The following TUBB8B variants were observed in gnomAD, a reference collection of about 807,000 sequenced individuals.
TUBB8B encodes the protein HSA18p11 beta-tubulin 4Q pseudogene.
A neutral mutation model predicts 31.9 loss-of-function variants in TUBB8B; 26 were observed. That is an observed-to-expected ratio of 0.81 (90% CI 0.60 to 1.13). The LOEUF (loss-of-function observed/expected upper bound fraction) is 1.13. Ranked by LOEUF, TUBB8B falls within the 50% of genes most tolerant of loss-of-function variation. The pLI is 0.00. For missense variants in TUBB8B, 467 were observed against 586.7 expected (o/e 0.80, Z 2.11); for synonymous variants, 173 against 231.0 (o/e 0.75, Z 2.28).
chr18:64,851 CTAAT>C, the TUBB8B span, among the ~76,000 whole-genome samples: 1 of 152,094 alleles, frequency 6.6e-6, no homozygotes, highest in Non-Finnish European at 1.5e-5. Flanking sequence ...TTTCTTTCTG[CTAAT>C]TTTTTCCCCT....
At position 48,957 on chromosome 18, in the gene TUBB8B, G is replaced by A. The variant is rs1600576490; in HGVS notation, c.260C>T (p.Pro87Leu). The A allele has an allele frequency of 6.2e-6, 10 of 1,601,774 alleles. No homozygotes were observed. Among genetic ancestry groups the A allele is most frequent in the East Asian group, 2.2e-5 (1 of 44,696 alleles). ...CAGCTCACCGGAAATGAAGTTGTCT[G>A]GCCTGAAGACCTGCCCGAAGGGCCC... is the stretch of plus-strand genomic sequence containing the variant. ...HSGPFGQVFR[P>L]DNFISGQCGA... is the part of the protein sequence containing the mutation. Residue 87 changes from proline (P) to leucine (L), a missense_variant, in exon 3 of 4, where the codon CCA (proline) becomes CTA (leucine). Pro to Leu is a moderately conservative substitution (Grantham distance 98). Around this residue, in one of 2 missense-constraint regions of TUBB8B, gnomAD observed 259 missense variants for 380.1 expected, o/e 0.68. Transcript: ENST00000308911.
the TUBB8B span, chr18:73,234 G>A: frequency 6.4e-6 from 1 of 156,440 alleles, no homozygotes; most frequent in African/African-American, 2.4e-5. Context: ...TGAAGCCCAG[G>A]TACAAAGAGC....
At chr18:72,036 G>A in the TUBB8B span, among the ~76,000 whole-genome samples, 4 of 151,882 alleles carry the variant, frequency 2.6e-5, no homozygotes, top group African/African-American at 9.7e-5. Flanking sequence ...AAAATTAGCT[G>A]GGCGTTGTGG....
At chr18:52,086 C>A (rs1906132229), upstream of TUBB8B, among the ~76,000 whole-genome samples, 1 of 151,836 alleles carries the variant, frequency 6.6e-6, no homozygotes, top group African/African-American at 2.4e-5. Context: ...TGCCCTTTAG[C>A]TTCTAGGACC....
rs551943497 is a variant in TUBB8B at position 47,669 on chromosome 18, G to A, written c.1056C>T (p.Ala352=). The change falls in exon 4 of 4, where the codon GCC becomes GCT. Residue 352 remains alanine, a synonymous_variant. Transcript: ENST00000308911. ...ADWFPDNVKT[A]VCDIPPRGLK... The stretch of plus-strand genomic sequence containing the variant: ...GCCCCCGGGGTGGGATGTCACAGAC[G>A]GCTGTTTTTACGTTGTCGGGGAACC... The A allele has an allele frequency of 5.2e-5, 84 of 1,612,414 alleles. 1 individual carries two copies. The African/African-American group carries it at 6.0e-4, about 12-fold the overall frequency.
At position 49,481 on chromosome 18, in the gene TUBB8B, T is replaced by TA. The variant is rs1399284216; in HGVS notation, c.57+19_57+20insT. ...CACCCGGCAGGCCCGGGCTGGGCCCTCAGAGCCCTGGCTGCCAACCTTGGC... is the reference window on the plus strand; with the variant it reads ...CACCCGGCAGGCCCGGGCTGGGCCCTACAGAGCCCTGGCTGCCAACCTTGGC... On this transcript the variant is annotated intron_variant, in intron 1 of 3. Transcript: ENST00000308911. 1 of 996,048 alleles carries TA rather than the reference T, an allele frequency of 1.0e-6. No individual in the cohort carries two copies. Among genetic ancestry groups the TA allele is most frequent in the Non-Finnish European group, 1.5e-6 (1 of 652,364 alleles). 61.7% of individuals were successfully genotyped at this position (996,048 alleles called of 1,614,324 possible).
At chr18:71,870 A>G in the TUBB8B span, among the ~76,000 whole-genome samples, 9,757 of 107,350 alleles carry the variant, frequency 0.091, no homozygotes, top group African/African-American at 0.19. Context: ...GCAACAAAGT[A>G]AGACTCCATG....
At chr18:70,501 T>C in the TUBB8B span, among the ~76,000 whole-genome samples, 1 of 152,130 alleles carries the variant, frequency 6.6e-6, no homozygotes, top group Non-Finnish European at 1.5e-5. Flanking sequence ...CCAGGCATCA[T>C]GGCGCACACT....
the TUBB8B span, among the ~76,000 whole-genome samples, chr18:56,364 T>C: frequency 6.6e-6 from 1 of 151,820 alleles, no homozygotes; most frequent in African/African-American, 2.4e-5. Context: ...AGGAATGTCA[T>C]TGTTATTTTG....
chr18:73,005 G>A, the TUBB8B span, among the ~76,000 whole-genome samples: 1 of 152,050 alleles, frequency 6.6e-6, no homozygotes, highest in Non-Finnish European at 1.5e-5. Context: ...CACTGATCCG[G>A]GGGTGCCTGT....
chr18:51,093 T>G (rs1466450720), upstream of TUBB8B, among the ~76,000 whole-genome samples: 1 of 151,918 alleles, frequency 6.6e-6, no homozygotes, highest in Non-Finnish European at 1.5e-5. Context: ...CTTTTTGAGC[T>G]GAGGTCGAGG....
the TUBB8B span, among the ~76,000 whole-genome samples, chr18:64,649 C>T: frequency 5.3e-5 from 8 of 152,066 alleles, no homozygotes; most frequent in Admixed American, 1.3e-4. Context: ...CATTTGAACC[C>T]GGGAGTCGGA....
chr18:62,053 G>C, the TUBB8B span, among the ~76,000 whole-genome samples: 1 of 151,544 alleles, frequency 6.6e-6, no homozygotes, highest in Non-Finnish European at 1.5e-5. Flanking sequence ...GTTTTTGTTT[G>C]TCGGAAAAAG....
chr18:62,594 T>C, the TUBB8B span, among the ~76,000 whole-genome samples: 2 of 151,618 alleles, frequency 1.3e-5, no homozygotes, highest in African/African-American at 4.8e-5. Flanking sequence ...AATTTCTTTT[T>C]GTATTTTTAG....
chr18:48,146 T>C lies in TUBB8B; in HGVS notation c.579A>G (p.Ile193Met), dbSNP rs1428703257. 2 of 1,614,126 alleles carry C rather than the reference T, an allele frequency of 1.2e-6. No individual in the cohort carries two copies. The highest frequency in any genetic ancestry group is 2.2e-5 in the East Asian group (1 of 44,880). The change falls in exon 4 of 4, where the codon ATA (isoleucine) becomes ATG (methionine). Residue 193 changes from isoleucine to methionine, a missense_variant. Around this residue, in one of 2 missense-constraint regions of TUBB8B, gnomAD observed 259 missense variants for 380.1 expected, o/e 0.68. Coordinates refer to ENST00000308911, the MANE Select transcript of TUBB8B (RefSeq NM_001358689.2). ...TGCAGAAGGTCTCATCCGCGTTTTCTATGAGCTGGTGGACTGAGAGGGTGG... is the reference window on the plus strand; with the variant it reads ...TGCAGAAGGTCTCATCCGCGTTTTCCATGAGCTGGTGGACTGAGAGGGTGG... ...YNATLSVHQL[I>M]ENADETFCID... is the part of the protein sequence containing the mutation.
upstream of TUBB8B, among the ~76,000 whole-genome samples, chr18:54,181 C>G (rs374045603): frequency 5.8e-4 from 81 of 140,818 alleles, no homozygotes; most frequent in African/African-American, 1.0e-3. Flanking sequence ...TGAAAAGCTA[C>G]TTCAAGCCAT....
chr18:52,142 T>A (rs2144068443), upstream of TUBB8B, among the ~76,000 whole-genome samples: 1 of 152,084 alleles, frequency 6.6e-6, no homozygotes, highest in South Asian at 2.1e-4. Flanking sequence ...GCTGTTCTAA[T>A]GTTAGTTTAT....
Position 47,824 on chromosome 18 carries a change from C to A in TUBB8B, c.901G>T (p.Ala301Ser), listed in dbSNP as rs574120814. The A allele has an allele frequency of 7.8e-5, 126 of 1,611,638 alleles. No homozygotes were observed. In the African/African-American group the frequency reaches 1.6e-3, roughly 20 times the overall value. ...CAGCCGTGACGGGGGTCACAGGCAGCCATCATGTTCTTAGCATCAAACATC... is the reference window on the plus strand; with the variant it reads ...CAGCCGTGACGGGGGTCACAGGCAGACATCATGTTCTTAGCATCAAACATC... The part of the protein sequence containing the change: ...QQMFDAKNMM[A>S]ACDPRHGCYL... Residue 301 changes from alanine (A) to serine (S), a missense_variant, in exon 4 of 4, where the codon GCT becomes TCT. This residue lies in a region of TUBB8B where 208 missense variants were observed against 206.7 expected (regional missense o/e 1.01). Transcript: ENST00000308911.
the TUBB8B span, among the ~76,000 whole-genome samples, chr18:70,722 T>TG: frequency 2.2e-4 from 32 of 144,448 alleles, no homozygotes; most frequent in South Asian, 8.7e-4. Flanking sequence ...GAGGCTGAGG[T>TG]GGGGGGATCA....
Sources: allele counts gnomAD v4.1 joint callset (sites outside exome capture counted in the v4.1 genomes callset), GRCh38; gene constraint gnomAD v4.1.1; regional missense constraint gnomAD v4.1.1; transcripts MANE v1.5; gene names NCBI Gene and HGNC (gene_info 2026-07-23, HGNC 2026-07-21).